Variants in FBXO15 observed in about 807,000 individuals in gnomAD.
FBXO15 encodes F-box protein 15, also known as F-box only protein 15.
A neutral mutation model predicts 49.5 loss-of-function variants in FBXO15; 30 were observed. The ratio of observed to expected loss-of-function variants is 0.61; its 90% CI spans 0.45 to 0.82. FBXO15 has a LOEUF of 0.82. FBXO15 is among the 40% of genes least tolerant of loss of function. The pLI, the probability that FBXO15 is intolerant of heterozygous loss-of-function variation, is 0.00. For missense variants in FBXO15, 591 were observed against 631.5 expected (o/e 0.94, Z 0.69); for synonymous variants, 250 against 232.7 (o/e 1.07, Z -0.68).
intron 8 of FBXO15, among the ~76,000 whole-genome samples, chr18:74,082,474 A>G (rs1312146081): frequency 6.6e-6 from 1 of 152,196 alleles, no homozygotes; most frequent in Non-Finnish European, 1.5e-5. Context: ...GCAGGCGAAC[A>G]TGAAGAGGAG....
intron 8 of FBXO15, among the ~76,000 whole-genome samples, chr18:74,101,410 A>G (rs1913513703): frequency 6.6e-6 from 1 of 152,132 alleles, no homozygotes; most frequent in Non-Finnish European, 1.5e-5. Context: ...ACATACCTCA[A>G]TGTAATAAAA....
At chr18:74,091,566 TG>T (rs1266428744) in intron 8 of FBXO15, among the ~76,000 whole-genome samples, 2 of 152,224 alleles carry the variant, frequency 1.3e-5, no homozygotes, top group African/African-American at 2.4e-5. Flanking sequence ...GAGGACCTCT[TG>T]TAAGGCAGGT....
intron 1 of FBXO15, among the ~76,000 whole-genome samples, chr18:74,143,399 G>A (rs1294346526): frequency 1.3e-5 from 2 of 152,136 alleles, no homozygotes; most frequent in East Asian, 1.9e-4. Flanking sequence ...TGCTGGCTAT[G>A]TTACAAAGAA....
At chr18:74,141,397 C>A (rs903094641) in intron 1 of FBXO15, among the ~76,000 whole-genome samples, 1 of 152,184 alleles carries the variant, frequency 6.6e-6, no homozygotes, top group Non-Finnish European at 1.5e-5. Flanking sequence ...TGGCGCACCT[C>A]CTTCCTGATG....
chr18:74,130,858 A>G, intron 3 of FBXO15, 200 bp from the exon 4 acceptor site: 1 of 537,706 alleles, frequency 1.9e-6, no homozygotes, highest in Non-Finnish European at 3.1e-6. Flanking sequence ...CACCAAAAAC[A>G]CATTTTAAAA....
At chr18:74,083,851 G>A (rs137967877) in intron 8 of FBXO15, among the ~76,000 whole-genome samples, 1 of 152,304 alleles carries the variant, frequency 6.6e-6, no homozygotes, top group African/African-American at 2.4e-5. Context: ...TAAAATAGGT[G>A]TATTTTTGAG....
At chr18:74,102,838 A>C (rs1056139553) in intron 8 of FBXO15, among the ~76,000 whole-genome samples, 9 of 152,204 alleles carry the variant, frequency 5.9e-5, no homozygotes, top group Non-Finnish European at 1.2e-4. Context: ...TATTATTCTA[A>C]GTGAAGTAAC....
Position 74,124,500 on chromosome 18 carries a change from G to A in FBXO15, c.984C>T (p.Gly328=), listed in dbSNP as rs1402829801. ...ATATAAATACATACATAGTAGCCGA[G>A]CCTAATGTGCTCCTCTCCACAAGGT... ...FHHLVERSTL[G]SATIPYELPP... is the part of the protein sequence containing the mutation. The change falls in exon 7 of 10, where the codon GGC becomes GGT. Residue 328 remains glycine, a synonymous_variant. Transcript: ENST00000419743. 7 of 1,613,712 alleles carry A rather than the reference G, an allele frequency of 4.3e-6. No individual in the cohort carries two copies. The East Asian group carries it at 8.9e-5, about 21-fold the overall frequency.
In FBXO15 at chr18:74,126,077, T is replaced by A; in HGVS notation, c.810A>T (p.Ala270=). The change falls in exon 6 of 10, where the codon GCA becomes GCT. Residue 270 remains alanine (A), a synonymous_variant. Coordinates refer to ENST00000419743, the MANE Select transcript of FBXO15 (RefSeq NM_001142958.2). ...KHRLRWHSLI[A]KYNLSHLTIS... The stretch of plus-strand genomic sequence containing the variant: ...TGGTCAAATGACTCAGATTGTACTT[T>A]GCAATTAAAGAATGCCATCGGAGTC... The A allele has an allele frequency of 6.2e-7, 1 of 1,613,962 alleles. No homozygotes were observed. The highest frequency in any genetic ancestry group is 8.5e-7 in the Non-Finnish European group (1 of 1,179,894).
At chr18:74,112,023 T>C (rs1381641151) in intron 8 of FBXO15, among the ~76,000 whole-genome samples, 1 of 152,148 alleles carries the variant, frequency 6.6e-6, no homozygotes, top group Non-Finnish European at 1.5e-5. Context: ...CCTATAGCTA[T>C]TAAAGAAATT....
chr18:74,123,243 G>A, intron 8 of FBXO15, 125 bp downstream of exon 8: 1 of 1,028,514 alleles, frequency 9.7e-7, no homozygotes, highest in Non-Finnish European at 1.4e-6. Flanking sequence ...ACGGGTCTGG[G>A]AGGATACTGG....
At chr18:74,145,256 CTTTA>C (rs1979333393) in intron 1 of FBXO15, among the ~76,000 whole-genome samples, 1 of 152,174 alleles carries the variant, frequency 6.6e-6, no homozygotes, top group Admixed American at 6.5e-5. Flanking sequence ...ACATTTCATC[CTTTA>C]TTTAATTGGA....
intron 8 of FBXO15, among the ~76,000 whole-genome samples, chr18:74,086,599 A>G (rs1041467522): frequency 6.6e-6 from 1 of 152,152 alleles, no homozygotes; most frequent in Non-Finnish European, 1.5e-5. Flanking sequence ...TTTAGTAGAG[A>G]TGGGGTTTCA....
At chr18:74,106,203 A>G (rs1311682303) in intron 8 of FBXO15, among the ~76,000 whole-genome samples, 1 of 152,108 alleles carries the variant, frequency 6.6e-6, no homozygotes, top group Non-Finnish European at 1.5e-5. Flanking sequence ...AAAAAGGAGA[A>G]ATACTCAATC....
At position 74,129,633 on chromosome 18, in the gene FBXO15, A is replaced by T. The variant is rs374957246; in HGVS notation, c.576-19T>A. The T allele has an allele frequency of 2.5e-6, 4 of 1,589,558 alleles. No homozygotes were observed. The African/African-American group carries it at 5.4e-5, about 22-fold the overall frequency. On this transcript the variant is annotated intron_variant, in intron 4 of 9. Coordinates refer to ENST00000419743, the MANE Select transcript of FBXO15 (RefSeq NM_001142958.2). ...AAATATTCTGGAGAAAGAAAAAAAA[A>T]CTAACAATGTTTGCCTCATTGAAAA... is the stretch of plus-strand genomic sequence containing the variant.
intron 8 of FBXO15, among the ~76,000 whole-genome samples, chr18:74,083,050 G>C (rs1477502629): frequency 2.6e-5 from 4 of 152,140 alleles, no homozygotes; most frequent in Non-Finnish European, 5.9e-5. Flanking sequence ...ACTTTGCCTG[G>C]GGCCTCTTTT....
intron 1 of FBXO15, among the ~76,000 whole-genome samples, chr18:74,145,310 T>G (rs909802260): frequency 1.3e-5 from 2 of 152,002 alleles, no homozygotes; most frequent in Non-Finnish European, 2.9e-5. Flanking sequence ...TTTCACACTT[T>G]TAAAACGTCA....
intron 8 of FBXO15, among the ~76,000 whole-genome samples, chr18:74,100,694 A>C (rs1375430381): frequency 6.6e-6 from 1 of 152,158 alleles, no homozygotes; most frequent in African/African-American, 2.4e-5. Context: ...GAGAAAACCC[A>C]AATAAGAACA....
intron 9 of FBXO15, among the ~76,000 whole-genome samples, chr18:74,076,685 A>T (rs936364126): frequency 1.3e-5 from 2 of 152,170 alleles, no homozygotes; most frequent in Admixed American, 6.5e-5. Flanking sequence ...TTCAGAAGAC[A>T]AACCTTTACA....
Sources: gnomAD v4.1 joint callset for allele counts (sites outside exome capture counted in the v4.1 genomes callset) on GRCh38, gnomAD v4.1.1 for gene constraint, MANE v1.5 for transcripts, NCBI Gene and HGNC (gene_info 2026-07-23, HGNC 2026-07-21) for gene names.